The following DLC1 variants were observed in gnomAD, a reference collection of about 807,000 sequenced individuals.
DLC1 encodes DLC1 Rho GTPase activating protein, also known as rho GTPase-activating protein 7.
DLC1 carries 54 observed loss-of-function variants against 140.3 expected under a neutral mutation model. That is an observed-to-expected ratio of 0.38 (90% CI 0.31 to 0.48). The LOEUF (loss-of-function observed/expected upper bound fraction) is 0.48. Among genes scored for constraint, DLC1 ranks in the 20% least tolerant of loss-of-function variants. DLC1 has a pLI of 0.96. For synonymous variants in DLC1, 986 were observed against 728.1 expected, an observed-to-expected ratio of 1.35 and a Z score of -5.70; for missense variants, 2,536 against 1,907.0, an observed-to-expected ratio of 1.33 and a Z score of -6.14.
chr8:13,303,059 C>G (rs1347976272), intron 5 of DLC1, among the ~76,000 whole-genome samples: 3 of 152,034 alleles, frequency 2.0e-5, no homozygotes. Context: ...GAACATTTGT[C>G]TTGACAGGTA....
intron 1 of DLC1, among the ~76,000 whole-genome samples, chr8:13,587,726 C>A (rs570579362): frequency 8.6e-5 from 13 of 151,118 alleles, no homozygotes; most frequent in African/African-American, 2.7e-4. Flanking sequence ...AAAATGAAGT[C>A]TTTTATTATA....
At chr8:13,463,768 T>C (rs1196569196) in intron 2 of DLC1, among the ~76,000 whole-genome samples, 1 of 152,196 alleles carries the variant, frequency 6.6e-6, no homozygotes, top group Non-Finnish European at 1.5e-5. Flanking sequence ...CCAGGACCTA[T>C]GTCTTTAAAG....
At chr8:13,163,822 A>G (rs1563126525) in intron 5 of DLC1, among the ~76,000 whole-genome samples, 2 of 152,046 alleles carry the variant, frequency 1.3e-5, no homozygotes, top group African/African-American at 4.8e-5. Flanking sequence ...AAAGGGAAAA[A>G]AAATGCACCA....
intron 4 of DLC1, among the ~76,000 whole-genome samples, chr8:13,366,571 C>T (rs758825723): frequency 1.3e-5 from 2 of 152,208 alleles, no homozygotes; most frequent in East Asian, 3.8e-4. Context: ...TTGACTTATA[C>T]TTCAGTGTTC....
At chr8:13,114,265 G>A (rs1293056131) in intron 6 of DLC1, among the ~76,000 whole-genome samples, 1 of 152,226 alleles carries the variant, frequency 6.6e-6, no homozygotes, top group East Asian at 1.9e-4. Flanking sequence ...AGGAGGCTGA[G>A]GCAGGTGAAT....
intron 1 of DLC1, among the ~76,000 whole-genome samples, chr8:13,541,932 C>T (rs1563429896): frequency 6.6e-6 from 1 of 152,130 alleles, no homozygotes; most frequent in African/African-American, 2.4e-5. Flanking sequence ...TTTGTGTTTT[C>T]CCAGTGAGTT....
chr8:13,371,618 G>A (rs1292540839), intron 4 of DLC1, among the ~76,000 whole-genome samples: 1 of 151,498 alleles, frequency 6.6e-6, no homozygotes, highest in Non-Finnish European at 1.5e-5. Context: ...TATTTCCTTG[G>A]CATTCTACAT....
Position 13,086,402 on chromosome 8 carries a change from C to G in DLC1, c.4354G>C (p.Asp1452His). The stretch of plus-strand genomic sequence containing the variant: ...CTCACACCCACCACAGGTGCGCGAT[C>G]GTGATCCACAGAGGTTAGTAAAAGG... ...CALLLTSVDH[D>H]RAPVVGVRVN... Residue 1452 changes from aspartate (D) to histidine (H), a missense_variant, in exon 17 of 18, where the codon GAT becomes CAT. Coordinates refer to ENST00000276297, the MANE Select transcript of DLC1 (RefSeq NM_182643.3). 6.2e-7 allele frequency: 1 copy of G among 1,614,218 alleles called. No homozygotes were observed. Among genetic ancestry groups the G allele is most frequent in the Non-Finnish European group, 8.5e-7 (1 of 1,180,050 alleles).
intron 1 of DLC1, among the ~76,000 whole-genome samples, chr8:13,590,464 G>C (rs1805481720): frequency 6.6e-6 from 1 of 151,936 alleles, no homozygotes; most frequent in Non-Finnish European, 1.5e-5. Context: ...CTGGTTCTTT[G>C]GACACTTCAA....
intron 2 of DLC1, among the ~76,000 whole-genome samples, chr8:13,432,790 A>G (rs893783056): frequency 6.6e-6 from 1 of 152,152 alleles, no homozygotes; most frequent in Admixed American, 6.5e-5. Flanking sequence ...CATGAAGTCT[A>G]CTCAGGAGGT....
At chr8:13,256,538 C>T (rs1027655226) in intron 5 of DLC1, among the ~76,000 whole-genome samples, 3 of 152,210 alleles carry the variant, frequency 2.0e-5, no homozygotes, top group Middle Eastern at 3.4e-3. Context: ...ATATACTATG[C>T]AGCCATAAAA....
At chr8:13,154,210 G>T (rs377737639) in intron 5 of DLC1, among the ~76,000 whole-genome samples, 3 of 152,366 alleles carry the variant, frequency 2.0e-5, no homozygotes, top group African/African-American at 7.2e-5. Flanking sequence ...CGCACCAGGT[G>T]CTTGCGCTCC....
In DLC1 at chr8:13,133,666, G is replaced by A. The variant is rs937876462; in HGVS notation, c.1349-18009C>T. On this transcript the variant is annotated intron_variant, in intron 5 of 17. Coordinates refer to ENST00000276297, the MANE Select transcript of DLC1 (RefSeq NM_182643.3). ...TATTGGCCCCGGGTGCAAAGGCAAAGGTCACAAGGCATTTACTTGGCGGAG... is the reference window on the plus strand; with the variant it reads ...TATTGGCCCCGGGTGCAAAGGCAAAAGTCACAAGGCATTTACTTGGCGGAG... Among the ~76,000 whole-genome samples the A allele has an allele frequency of 2.6e-5, 4 of 151,730 alleles. No individual in the cohort carries two copies. The Middle Eastern group carries it at 0.01, about 387-fold the overall frequency.
At chr8:13,592,117 A>C (rs1017670352) in intron 1 of DLC1, among the ~76,000 whole-genome samples, 12 of 152,004 alleles carry the variant, frequency 7.9e-5, no homozygotes, top group African/African-American at 2.9e-4. Flanking sequence ...CAGCGTTTAG[A>C]ATTTAAAGAG....
chr8:13,497,052 G>A (rs931359747), intron 2 of DLC1, among the ~76,000 whole-genome samples: 19 of 151,738 alleles, frequency 1.3e-4, no homozygotes, highest in Admixed American at 5.3e-4. Flanking sequence ...CGCCTGCCTC[G>A]GCCTCCCAAA....
chr8:13,427,041 C>A (rs1007406908), intron 2 of DLC1, among the ~76,000 whole-genome samples: 1 of 152,142 alleles, frequency 6.6e-6, no homozygotes, highest in Non-Finnish European at 1.5e-5. Context: ...TTGGGAGTTC[C>A]TGCTGTTTGC....
rs114341161 is a variant in DLC1, at chr8:13,480,281, G to A, written c.1023+18768C>T. Among the ~76,000 whole-genome samples the A allele has an allele frequency of 6.4e-3, 973 of 152,276 alleles. 13 individuals are homozygous for A. The highest frequency in any genetic ancestry group is 0.022 in the African/African-American group (915 of 41,558). On this transcript the variant is annotated intron_variant, in intron 2 of 17. Transcript: ENST00000276297. ...AGCTTAAAAATATATGCACGACAAT[G>A]TGATTAAGTTATTCAGGGAGATATG...
chr8:13,245,343 G>A (rs1015709967), intron 5 of DLC1, among the ~76,000 whole-genome samples: 1 of 152,174 alleles, frequency 6.6e-6, no homozygotes, highest in Admixed American at 6.5e-5. Flanking sequence ...CCAATATCCC[G>A]GACATTGTGT....
intron 5 of DLC1, among the ~76,000 whole-genome samples, chr8:13,203,179 T>C (rs1827489015): frequency 6.6e-6 from 1 of 152,232 alleles, no homozygotes. Context: ...TTGTGTTCAC[T>C]TACGTGCTGT....
Sources: gnomAD v4.1 joint callset for allele counts (sites outside exome capture counted in the v4.1 genomes callset) on GRCh38, gnomAD v4.1.1 for gene constraint, MANE v1.5 for transcripts, NCBI Gene and HGNC (gene_info 2026-07-23, HGNC 2026-07-21) for gene names.